ST18: variants seen among roughly 807,000 people sequenced by gnomAD.
ST18 encodes suppression of tumorigenicity 18 protein.
ST18 carries 50 observed loss-of-function variants against 110.0 expected under a neutral mutation model. The ratio of observed to expected loss-of-function variants is 0.45; its 90% CI spans 0.36 to 0.58. The LOEUF (loss-of-function observed/expected upper bound fraction) is 0.58, where lower values mean the gene tolerates loss of function less well. Ranked by LOEUF, ST18 falls within the 20% of genes least tolerant of loss-of-function variation. The probability of loss-of-function intolerance (pLI) is 0.00; values close to 1 mark genes in which losing one functional copy is unlikely to be tolerated. For missense variants in ST18, 1,306 were observed against 1,280.1 expected (o/e 1.02, Z -0.31); for synonymous variants, 461 against 452.4 (o/e 1.02, Z -0.24).
intron 2 of ST18, among the ~76,000 whole-genome samples, chr8:52,391,425 T>C (rs1429639266): frequency 6.6e-6 from 1 of 152,056 alleles, no homozygotes; most frequent in African/African-American, 2.4e-5. Context: ...TGCAAACAAA[T>C]TGCCATGGAA....
chr8:52,264,448 G>A (rs1050611164), intron 2 of ST18, among the ~76,000 whole-genome samples: 2 of 152,182 alleles, frequency 1.3e-5, no homozygotes, highest in Non-Finnish European at 2.9e-5. Context: ...GGGTGGCTGA[G>A]ATATTTATCT....
intron 2 of ST18, among the ~76,000 whole-genome samples, chr8:52,390,056 G>A (rs1473177078): frequency 2.6e-5 from 4 of 152,008 alleles, no homozygotes; most frequent in Admixed American, 2.0e-4. Flanking sequence ...GATGGGTACC[G>A]GGTGGCCAGT....
chr8:52,307,611 A>G (rs1589777585), intron 2 of ST18, among the ~76,000 whole-genome samples: 1 of 152,232 alleles, frequency 6.6e-6, no homozygotes, highest in East Asian at 1.9e-4. Flanking sequence ...AGAAAAAGTA[A>G]GAAAAATCAT....
chr8:52,145,929 A>AT (rs1375347100), intron 16 of ST18, among the ~76,000 whole-genome samples: 1 of 152,046 alleles, frequency 6.6e-6, no homozygotes, highest in African/African-American at 2.4e-5. Flanking sequence ...AGATTCAGGA[A>AT]TTTTTTTTAG....
At chr8:52,348,206 C>T (rs1289877284) in intron 2 of ST18, among the ~76,000 whole-genome samples, 1 of 152,126 alleles carries the variant, frequency 6.6e-6, no homozygotes, top group African/African-American at 2.4e-5. Context: ...ATATCTGATC[C>T]TTTATAGAAA....
At chr8:52,292,641 G>A (rs2095573714) in intron 2 of ST18, among the ~76,000 whole-genome samples, 1 of 152,172 alleles carries the variant, frequency 6.6e-6, no homozygotes, top group African/African-American at 2.4e-5. Flanking sequence ...CAGCATTCCT[G>A]TCAGTGATCA....
chr8:52,137,301 C>A lies in ST18; in HGVS notation c.2231+120G>T. On this transcript the variant is annotated intron_variant, in intron 18 of 25. Coordinates refer to ENST00000689386, the MANE Select transcript of ST18 (RefSeq NM_001352837.2). The stretch of plus-strand genomic sequence containing the variant: ...TTTTATTTCTGAAAAAGAAAATAAA[C>A]CAAAAACCCAACCAACTCATTTCCT... The A allele has an allele frequency of 5.7e-6, 6 of 1,044,992 alleles. No individual in the cohort carries two copies. The South Asian group carries it at 1.0e-4, about 18-fold the overall frequency. 64.7% of individuals were successfully genotyped at this position (1,044,992 alleles called of 1,614,324 possible). A position where few individuals can be genotyped will look rare whatever the true frequency, so the allele number is the denominator to read the frequency against.
chr8:52,372,826 C>A (rs1278471089), intron 2 of ST18, among the ~76,000 whole-genome samples: 3 of 152,100 alleles, frequency 2.0e-5, no homozygotes, highest in Non-Finnish European at 4.4e-5. Context: ...CAAATCGTAT[C>A]CCCATTGTTA....
intron 22 of ST18, among the ~76,000 whole-genome samples, chr8:52,130,132 A>AAAGAAAGAAAGAAAG (rs1487761862): frequency 5.6e-5 from 8 of 141,836 alleles, no homozygotes; most frequent in Admixed American, 4.8e-4. Flanking sequence ...AGAAAGAAAG[A>AAAGAAAGAAAGAAAG]AAGAAAGAAA....
At chr8:52,277,166 G>C (rs1227061476) in intron 2 of ST18, among the ~76,000 whole-genome samples, 1 of 152,246 alleles carries the variant, frequency 6.6e-6, no homozygotes, top group Admixed American at 6.5e-5. Context: ...GGTGCTGAGA[G>C]AGGCCTCGGG....
chr8:52,158,820 G>A (rs1449203072), intron 15 of ST18, 78 bp downstream of exon 15: 1 of 1,501,174 alleles, frequency 6.7e-7, no homozygotes, highest in African/African-American at 1.4e-5. Flanking sequence ...GGTAGTGAAT[G>A]TAGTTAGGAA....
At chr8:52,180,014 T>A (rs1248147441) in intron 9 of ST18, 108 bp downstream of exon 9, 12 of 1,191,470 alleles carry the variant, frequency 1.0e-5, no homozygotes, top group Non-Finnish European at 1.4e-5. Flanking sequence ...CAAATCTTAA[T>A]GTACTTTTAC....
chr8:52,155,483 T>C (rs1158731983), intron 15 of ST18, among the ~76,000 whole-genome samples: 3 of 152,198 alleles, frequency 2.0e-5, no homozygotes, highest in Non-Finnish European at 4.4e-5. Flanking sequence ...TCACAAGCAC[T>C]GGTGCCTTCA....
intron 2 of ST18, among the ~76,000 whole-genome samples, chr8:52,367,234 T>A (rs866842679): frequency 0.011 from 1,161 of 104,516 alleles, 22 homozygotes; most frequent in Non-Finnish European, 0.015. Flanking sequence ...CGGGACCCTG[T>A]CTCACACACA....
intron 2 of ST18, among the ~76,000 whole-genome samples, chr8:52,310,944 C>T (rs757404578): frequency 6.6e-6 from 1 of 152,176 alleles, no homozygotes; most frequent in South Asian, 2.1e-4. Context: ...AGGAATGCCA[C>T]AGACTGAGGT....
rs2065319137 is a variant in ST18, at chr8:52,172,489, C to T, written c.372G>A (p.Glu124=). Residue 124 remains glutamate (E), a synonymous_variant, in exon 10 of 26, where the codon GAG becomes GAA. Coordinates refer to ENST00000689386, the MANE Select transcript of ST18 (RefSeq NM_001352837.2). ...AGTGCATTAAAGACTTGACCATGAG[C>T]TCTTGATAACAAGAGTATCTGTCTT... ...RKEDRYSCYQ[E]LMVKSLMHLG... is the part of the protein sequence containing the mutation. The T allele has an allele frequency of 6.2e-7, 1 of 1,613,612 alleles. No homozygotes were observed. The highest frequency in any genetic ancestry group is 1.3e-5 in the African/African-American group (1 of 74,908).
At chr8:52,330,952 A>C (rs1809019148) in intron 2 of ST18, among the ~76,000 whole-genome samples, 1 of 152,210 alleles carries the variant, frequency 6.6e-6, no homozygotes, top group South Asian at 2.1e-4. Context: ...AGAGGCAGAC[A>C]GACAGAGGAG....
intron 2 of ST18, among the ~76,000 whole-genome samples, chr8:52,268,247 G>A (rs1564372643): frequency 6.6e-6 from 1 of 152,194 alleles, no homozygotes; most frequent in African/African-American, 2.4e-5. Flanking sequence ...TTGTCTGCAA[G>A]TTTTAAGTGT....
intron 2 of ST18, among the ~76,000 whole-genome samples, chr8:52,374,375 G>A (rs370281681): frequency 9.9e-5 from 15 of 152,098 alleles, no homozygotes; most frequent in East Asian, 1.9e-4. Flanking sequence ...ACTGGCAGCC[G>A]CCAGCAGTGG....
Sources: allele counts gnomAD v4.1 joint callset (sites outside exome capture counted in the v4.1 genomes callset), GRCh38; gene constraint gnomAD v4.1.1; transcripts MANE v1.5; gene names NCBI Gene and HGNC (gene_info 2026-07-23, HGNC 2026-07-21).